The following PLCH2 variants were observed in gnomAD, a reference collection of about 807,000 sequenced individuals.
PLCH2 encodes the protein 1-phosphatidylinositol 4,5-bisphosphate phosphodiesterase eta-2.
A neutral mutation model predicts 134.7 loss-of-function variants in PLCH2; 98 were observed. The observed-to-expected ratio is 0.73, with a 90% CI of 0.62 to 0.86. PLCH2 has a LOEUF of 0.86. Ranked by LOEUF, PLCH2 falls within the 40% of genes least tolerant of loss-of-function variation. The pLI is 0.00. For synonymous variants in PLCH2, 974 were observed against 827.5 expected (o/e 1.18, Z -3.04); for missense variants, 1,994 against 1,986.6 (o/e 1.00, Z -0.07).
chr1:2,436,258 CCCT>C (rs1261445073), intron 2 of PLCH2, among the ~76,000 whole-genome samples: 6 of 105,168 alleles, frequency 5.7e-5, no homozygotes, highest in East Asian at 2.9e-4. Context: ...CTCCCCTCCT[CCCT>C]CCTCCTCCTT....
Position 2,498,632 on chromosome 1 carries a change from G to GGGGGACCGTGGGGAGGT in PLCH2, c.2339_2349+6dup. 1 of 1,571,278 alleles carries GGGGGACCGTGGGGAGGT rather than the reference G, an allele frequency of 6.4e-7. No homozygotes were observed. Among genetic ancestry groups the GGGGGACCGTGGGGAGGT allele is most frequent in the South Asian group, 1.2e-5 (1 of 85,816 alleles). On this transcript the variant is annotated frameshift_variant, in exon 17 of 22. Coordinates refer to ENST00000378486, the MANE Select transcript of PLCH2 (RefSeq NM_014638.4). LOFTEE classifies it high-confidence loss of function. This position sits in a 1 kb window ranked among gnomAD's most constrained non-coding sequence, Gnocchi z 5.4. ...TTCCCAAGCCGCGCGACTCCATGCT[G>GGGGGACCGTGGGGAGGT]GGGGACCGTGGGGAGGTGGGGGCCA...
At chr1:2,490,701 A>G (rs1468131470) in intron 10 of PLCH2, among the ~76,000 whole-genome samples, 1 of 152,198 alleles carries the variant, frequency 6.6e-6, no homozygotes, top group East Asian at 1.9e-4. Context: ...AGGCAGCTCC[A>G]CGGTGCTCCT....
rs756054765 is a variant in PLCH2 at position 2,494,851 on chromosome 1, C to T, written c.1660-5C>T. 6.3e-7 allele frequency: 1 copy of T among 1,598,310 alleles called. No individual in the cohort carries two copies. The highest frequency in any genetic ancestry group is 1.7e-5 in the Admixed American group (1 of 58,726). On this transcript the variant is annotated splice_polypyrimidine_tract_variant and splice_region_variant and intron_variant, in intron 11 of 21. Transcript: ENST00000378486. Reference sequence around the variant, plus strand: ...ACCTTGTCCCTGTCTCTCCCCTGGACTCAGAGCAAGGCTGAAGAGGACGTG... The same window carrying T: ...ACCTTGTCCCTGTCTCTCCCCTGGATTCAGAGCAAGGCTGAAGAGGACGTG...
chr1:2,456,588 C>A (rs1230265550), intron 2 of PLCH2, among the ~76,000 whole-genome samples: 1 of 152,224 alleles, frequency 6.6e-6, no homozygotes, highest in East Asian at 1.9e-4. Context: ...GACCCGTCGA[C>A]CCCTTGGGGT....
At chr1:2,427,247 G>A (rs569010678) in intron 1 of PLCH2, among the ~76,000 whole-genome samples, 1 of 152,312 alleles carries the variant, frequency 6.6e-6, no homozygotes, top group African/African-American at 2.4e-5. Flanking sequence ...CTGCAGTGGG[G>A]CGCCCTGGGG....
chr1:2,443,741 CA>C (rs1639802041), intron 2 of PLCH2, among the ~76,000 whole-genome samples: 2 of 147,148 alleles, frequency 1.4e-5, no homozygotes, highest in South Asian at 4.2e-4. Flanking sequence ...GCACGAGTGA[CA>C]GCGCGCTCCT....
chr1:2,499,540 G>A, intron 19 of PLCH2, 101 bp from the exon 20 acceptor site: 4 of 896,636 alleles, frequency 4.5e-6, no homozygotes, highest in South Asian at 1.4e-5. Context: ...CTTGTTGGGT[G>A]TATCTGGGGT....
chr1:2,473,204 C>T (rs1641422535), upstream of PLCH2, among the ~76,000 whole-genome samples: 1 of 152,252 alleles, frequency 6.6e-6, no homozygotes, highest in Non-Finnish European at 1.5e-5. Flanking sequence ...GAGCAAACCT[C>T]TCACAGTGGG....
upstream of PLCH2, among the ~76,000 whole-genome samples, chr1:2,421,914 C>T (rs1638533487): frequency 6.6e-6 from 1 of 151,848 alleles, no homozygotes; most frequent in Non-Finnish European, 1.5e-5. Context: ...GCAGAGGCTG[C>T]AGTGAGCCAA....
rs1183421297 is a variant in PLCH2, at chr1:2,439,365, C to T, written c.115+8736C>T. Among the ~76,000 whole-genome samples, 1 of 145,036 alleles carries T rather than the reference C, an allele frequency of 6.9e-6. No individual in the cohort carries two copies. The highest frequency in any genetic ancestry group is 1.5e-5 in the Non-Finnish European group (1 of 65,834). On this transcript the variant is annotated intron_variant, in intron 2 of 3. Transcript: ENST00000609981. This position sits in a 1 kb window ranked among gnomAD's most constrained non-coding sequence, Gnocchi z 4.7. ...CACCCCAGTGCTGGCCAGACCTGGT[C>T]CCCGACCCCAGGGCTGCCCCCGGGT...
upstream of PLCH2, among the ~76,000 whole-genome samples, chr1:2,425,452 C>T (rs1393178021): frequency 1.3e-5 from 2 of 152,130 alleles, no homozygotes; most frequent in Admixed American, 6.5e-5. Context: ...CTCTTCAACA[C>T]GTGGATTTCA....
At chr1:2,451,287 G>C (rs1171758841) in intron 2 of PLCH2, among the ~76,000 whole-genome samples, 4 of 152,208 alleles carry the variant, frequency 2.6e-5, no homozygotes, top group Admixed American at 1.3e-4. Context: ...GGGGTCTGGG[G>C]CCAGAGATGT....
chr1:2,475,267 T>C (rs1470334336), upstream of PLCH2, among the ~76,000 whole-genome samples: 1 of 152,090 alleles, frequency 6.6e-6, no homozygotes, highest in Non-Finnish European at 1.5e-5. Context: ...ACTCCTCCCC[T>C]GGTATGGGGG....
intron 8 of PLCH2, 107 bp from the exon 9 acceptor site, chr1:2,489,100 C>A (rs1259777126): frequency 7.8e-6 from 8 of 1,019,448 alleles, no homozygotes; most frequent in South Asian, 4.5e-5. Context: ...CTGGTGAAGA[C>A]CCCTCCTCAT....
chr1:2,421,829 C>T (rs1224193292), upstream of PLCH2, among the ~76,000 whole-genome samples: 1 of 151,316 alleles, frequency 6.6e-6, no homozygotes, highest in Non-Finnish European at 1.5e-5. Flanking sequence ...CAAAAATTAG[C>T]TGGGCGTGGT....
At chr1:2,465,034 G>A (rs1003874405), upstream of PLCH2, among the ~76,000 whole-genome samples, 1 of 152,176 alleles carries the variant, frequency 6.6e-6, no homozygotes, top group African/African-American at 2.4e-5. Flanking sequence ...GCCAGGGCCC[G>A]GGGAGCAGGT....
At chr1:2,467,429 CCGCCTTCCCCT>C (rs1297364145), upstream of PLCH2, 3 of 366,022 alleles carry the variant, frequency 8.2e-6, no homozygotes, top group South Asian at 1.7e-4. Context: ...CGGCCCCGTC[CCGCCTTCCCCT>C]CGCCTTCCTC....
chr1:2,494,918 C>T lies in PLCH2; in HGVS notation c.1722C>T (p.Arg574=), dbSNP rs1375609972. Residue 574 remains arginine, a synonymous_variant, in exon 12 of 22, where the codon CGC becomes CGT. Transcript: ENST00000378486. ...CCGGGGCCAGCAGACGCAATGGCCG[C>T]CTCGTCGTGGGAAGCTTCTCCAGGC... The part of the protein sequence containing the change: ...EDAGASRRNG[R]LVVGSFSRRK... 1 of 1,602,054 alleles carries T rather than the reference C, an allele frequency of 6.2e-7. No homozygotes were observed. Among genetic ancestry groups the T allele is most frequent in the Non-Finnish European group, 8.5e-7 (1 of 1,175,960 alleles).
intron 1 of PLCH2, among the ~76,000 whole-genome samples, chr1:2,468,689 G>C (rs1641186936): frequency 6.6e-6 from 1 of 152,244 alleles, no homozygotes; most frequent in Non-Finnish European, 1.5e-5. Flanking sequence ...CTGGTGGTTT[G>C]GAACCTGCTT....
Sources: gnomAD v4.1 joint callset for allele counts (sites outside exome capture counted in the v4.1 genomes callset) on GRCh38, gnomAD v4.1.1 for gene constraint, Gnocchi (gnomAD v3.1) non-coding constraint, MANE v1.5 for transcripts, NCBI Gene and HGNC (gene_info 2026-07-23, HGNC 2026-07-21) for gene names.